The following PRMT3 variants were observed in gnomAD, a reference collection of about 807,000 sequenced individuals.
The protein encoded by PRMT3 is protein arginine N-methyltransferase 3.
In PRMT3, 62 loss-of-function variants were observed where a neutral mutation model predicts 71.9. That is an observed-to-expected ratio of 0.86 (90% confidence interval 0.70 to 1.07). The LOEUF (loss-of-function observed/expected upper bound fraction) is 1.07, where lower values mean the gene tolerates loss of function less well. Ranked by LOEUF, PRMT3 falls within the 50% of genes least tolerant of loss-of-function variation. The pLI is 0.00. For synonymous variants in PRMT3, 213 were observed against 220.4 expected (o/e 0.97, Z 0.30); for missense variants, 663 against 643.0 (o/e 1.03, Z -0.34).
intron 8 of PRMT3, 78 bp from the exon 9 acceptor site, chr11:20,407,833 T>G: frequency 7.3e-7 from 1 of 1,366,494 alleles, no homozygotes; most frequent in South Asian, 1.4e-5. Context: ...AGAAACATCA[T>G]AATATATGAA....
chr11:20,431,039 A>G (rs1422623401), intron 10 of PRMT3, among the ~76,000 whole-genome samples: 1 of 152,178 alleles, frequency 6.6e-6, no homozygotes. Flanking sequence ...CAGTAAGCCA[A>G]ATTGACTCAT....
chr11:20,391,636 T>C (rs1165059744), intron 3 of PRMT3, among the ~76,000 whole-genome samples: 1 of 152,186 alleles, frequency 6.6e-6, no homozygotes, highest in African/African-American at 2.4e-5. Context: ...TATAGGGGGT[T>C]TGTATACTAT....
intron 13 of PRMT3, among the ~76,000 whole-genome samples, chr11:20,486,820 G>GGC (rs1228819720): frequency 6.6e-6 from 1 of 152,084 alleles, no homozygotes; most frequent in Non-Finnish European, 1.5e-5. Context: ...ACTTCGGCAG[G>GGC]GCGAAGCAGG....
chr11:20,484,675 T>G (rs1851028444), intron 13 of PRMT3, among the ~76,000 whole-genome samples: 1 of 152,188 alleles, frequency 6.6e-6, no homozygotes, highest in African/African-American at 2.4e-5. Flanking sequence ...TAAGTCCCAT[T>G]AAACCTCTTT....
In PRMT3 at chr11:20,388,134, C is replaced by A; in HGVS notation, c.144C>A (p.Thr48=). ...ATCTCCCCCACGGCAAGCAGCAGAC[C>A]CCCTGCCTGTTCTGTAACAGGTTCG... ...DADLPHGKQQ[T]PCLFCNRLFT... The change falls in exon 2 of 16, where the codon ACC becomes ACA. Residue 48 remains threonine (T), a synonymous_variant. Coordinates refer to ENST00000331079, the MANE Select transcript of PRMT3 (RefSeq NM_005788.4). The A allele has an allele frequency of 6.2e-7, 1 of 1,613,968 alleles. No individual in the cohort carries two copies. Among genetic ancestry groups the A allele is most frequent in the Non-Finnish European group, 8.5e-7 (1 of 1,179,984 alleles).
chr11:20,449,724 A>G (rs1850107271), intron 10 of PRMT3, among the ~76,000 whole-genome samples: 1 of 152,136 alleles, frequency 6.6e-6, no homozygotes, highest in Non-Finnish European at 1.5e-5. Context: ...TTAAAATAAC[A>G]TTTTAATTTC....
intron 12 of PRMT3, among the ~76,000 whole-genome samples, chr11:20,462,876 GAAAA>G (rs768193840): frequency 7.2e-6 from 1 of 139,544 alleles, no homozygotes; most frequent in Non-Finnish European, 1.6e-5. Context: ...TGTCTCAAGA[GAAAA>G]AAAAAAAAAG....
intron 3 of PRMT3, among the ~76,000 whole-genome samples, chr11:20,391,621 A>G (rs1236506504): frequency 6.6e-6 from 1 of 151,678 alleles, no homozygotes; most frequent in Non-Finnish European, 1.5e-5. Context: ...TTTTTTACTT[A>G]CCGATATAGG....
intron 13 of PRMT3, among the ~76,000 whole-genome samples, chr11:20,491,357 A>C (rs1321424516): frequency 6.6e-6 from 1 of 152,006 alleles, no homozygotes; most frequent in African/African-American, 2.4e-5. Flanking sequence ...GAGTTGTTCA[A>C]TTTTCCTGAT....
intron 10 of PRMT3, among the ~76,000 whole-genome samples, chr11:20,442,371 T>A (rs1849928275): frequency 6.6e-6 from 1 of 152,108 alleles, no homozygotes. Context: ...ATGCAAAAAA[T>A]TACTAATTTT....
At chr11:20,457,223 A>AT (rs1284665948) in intron 11 of PRMT3, among the ~76,000 whole-genome samples, 5 of 152,112 alleles carry the variant, frequency 3.3e-5, no homozygotes, top group African/African-American at 1.2e-4. Context: ...TTGTCCTGAA[A>AT]TTTTATTTAT....
chr11:20,501,696 T>C (rs544475394), intron 15 of PRMT3, among the ~76,000 whole-genome samples: 6 of 152,348 alleles, frequency 3.9e-5, no homozygotes, highest in Admixed American at 3.3e-4. Context: ...AATGGAACTA[T>C]AGAGTTATTT....
At chr11:20,403,755 TC>T (rs1849001337) in intron 8 of PRMT3, among the ~76,000 whole-genome samples, 1 of 152,194 alleles carries the variant, frequency 6.6e-6, no homozygotes, top group African/African-American at 2.4e-5. Flanking sequence ...TATATACCTT[TC>T]CTTGGAAATT....
chr11:20,503,151 T>C (rs1851498476), intron 15 of PRMT3, among the ~76,000 whole-genome samples: 1 of 152,058 alleles, frequency 6.6e-6, no homozygotes, highest in Non-Finnish European at 1.5e-5. Context: ...CTTTATAGAA[T>C]TTTTTTTCAT....
At chr11:20,494,820 T>G (rs1276913459) in intron 15 of PRMT3, among the ~76,000 whole-genome samples, 1 of 152,156 alleles carries the variant, frequency 6.6e-6, no homozygotes, top group Non-Finnish European at 1.5e-5. Flanking sequence ...TTCAGAAAAC[T>G]TTCGGCAATA....
At chr11:20,504,707 T>TGTGTGAGA (rs1332372470) in intron 15 of PRMT3, among the ~76,000 whole-genome samples, 22 of 133,642 alleles carry the variant, frequency 1.6e-4, no homozygotes, top group East Asian at 8.9e-4. Flanking sequence ...TGTGTGTGTG[T>TGTGTGAGA]GAGAGAGAGA....
At chr11:20,502,241 T>A (rs1161920550) in intron 15 of PRMT3, among the ~76,000 whole-genome samples, 1 of 152,222 alleles carries the variant, frequency 6.6e-6, no homozygotes, top group Non-Finnish European at 1.5e-5. Context: ...TTGACACTGA[T>A]TAATTACTCT....
intron 3 of PRMT3, among the ~76,000 whole-genome samples, chr11:20,391,940 C>G (rs1848724262): frequency 6.6e-6 from 1 of 152,098 alleles, no homozygotes; most frequent in South Asian, 2.1e-4. Context: ...TTGTATTGTT[C>G]TGACAAAGGA....
intron 11 of PRMT3, among the ~76,000 whole-genome samples, chr11:20,458,228 A>C (rs534597496): frequency 6.6e-6 from 1 of 152,218 alleles, no homozygotes; most frequent in African/African-American, 2.4e-5. Flanking sequence ...CCTTTGTTTT[A>C]AATCTTTTTA....
Sources: gnomAD v4.1 joint callset for allele counts (sites outside exome capture counted in the v4.1 genomes callset) on GRCh38, gnomAD v4.1.1 for gene constraint, MANE v1.5 for transcripts, NCBI Gene and HGNC (gene_info 2026-07-23, HGNC 2026-07-21) for gene names.